The following IMMP2L variants were observed in gnomAD, a reference collection of about 807,000 sequenced individuals.
IMMP2L encodes the protein inner mitochondrial membrane peptidase subunit 2.
In IMMP2L, 18 loss-of-function variants were observed where a neutral mutation model predicts 19.3. The observed-to-expected ratio is 0.93, with a 90% CI of 0.64 to 1.38. The LOEUF is 1.38. IMMP2L is among the 40% of genes most tolerant of loss of function. The pLI, the probability that IMMP2L is intolerant of heterozygous loss-of-function variation, is 0.00. For missense variants in IMMP2L, 233 were observed against 218.2 expected, an observed-to-expected ratio of 1.07 and a Z score of -0.43; for synonymous variants, 76 against 73.0, an observed-to-expected ratio of 1.04 and a Z score of -0.21.
chr7:111,316,779 T>C (rs1382219487), intron 3 of IMMP2L, among the ~76,000 whole-genome samples: 3 of 150,944 alleles, frequency 2.0e-5, no homozygotes, highest in African/African-American at 4.9e-5. Flanking sequence ...GAATCTCACA[T>C]ATATTATCTC....
chr7:110,767,058 A>G (rs1798712633), intron 5 of IMMP2L, among the ~76,000 whole-genome samples: 1 of 152,202 alleles, frequency 6.6e-6, no homozygotes, highest in South Asian at 2.1e-4. Flanking sequence ...CTTCAGAGTC[A>G]TTACAATGCT....
chr7:111,015,742 T>G (rs1372889206), intron 3 of IMMP2L, among the ~76,000 whole-genome samples: 1 of 152,112 alleles, frequency 6.6e-6, no homozygotes, highest in Non-Finnish European at 1.5e-5. Context: ...GAAAATATTC[T>G]TGTATTAAAT....
chr7:111,463,724 T>A (rs1264456308), intron 3 of IMMP2L, among the ~76,000 whole-genome samples: 2 of 152,140 alleles, frequency 1.3e-5, no homozygotes, highest in Non-Finnish European at 1.5e-5. Context: ...GGCACTTCAC[T>A]ATTGTTCAAT....
intron 5 of IMMP2L, among the ~76,000 whole-genome samples, chr7:110,765,036 G>A (rs1798572439): frequency 6.6e-6 from 1 of 152,080 alleles, no homozygotes; most frequent in South Asian, 2.1e-4. Context: ...ATAAAATGAA[G>A]AAATACTGCT....
intron 3 of IMMP2L, among the ~76,000 whole-genome samples, chr7:111,211,136 A>G (rs1399040818): frequency 1.3e-5 from 2 of 152,222 alleles, no homozygotes; most frequent in Admixed American, 6.5e-5. Context: ...AAATACTTCA[A>G]GGAAATACTA....
At chr7:111,389,065 G>C (rs1468204359) in intron 3 of IMMP2L, among the ~76,000 whole-genome samples, 1 of 152,130 alleles carries the variant, frequency 6.6e-6, no homozygotes, top group Non-Finnish European at 1.5e-5. Context: ...CTTTGGTAGC[G>C]CCAGGGCTGG....
chr7:111,029,212 C>T (rs1265945686), intron 3 of IMMP2L, among the ~76,000 whole-genome samples: 1 of 152,088 alleles, frequency 6.6e-6, no homozygotes, highest in African/African-American at 2.4e-5. Context: ...CTAGGTACAA[C>T]ACAGAGTTTA....
chr7:111,284,124 C>T (rs1336453286), intron 3 of IMMP2L, among the ~76,000 whole-genome samples: 1 of 152,018 alleles, frequency 6.6e-6, no homozygotes, highest in Non-Finnish European at 1.5e-5. Context: ...TCTCATGGCT[C>T]TGCCACAGTT....
At chr7:111,077,719 T>C (rs1298381307) in intron 3 of IMMP2L, among the ~76,000 whole-genome samples, 1 of 152,234 alleles carries the variant, frequency 6.6e-6, no homozygotes, top group Non-Finnish European at 1.5e-5. Flanking sequence ...AATTGTCTAA[T>C]GGCTGCCCAT....
intron 3 of IMMP2L, among the ~76,000 whole-genome samples, chr7:110,993,962 T>G (rs989974155): frequency 2.0e-5 from 3 of 152,160 alleles, no homozygotes; most frequent in South Asian, 4.2e-4. Flanking sequence ...GTCTTGTCTC[T>G]GCCCTTTGTT....
chr7:110,816,666 T>A (rs943578126), intron 5 of IMMP2L, among the ~76,000 whole-genome samples: 3 of 150,504 alleles, frequency 2.0e-5, no homozygotes, highest in South Asian at 2.1e-4. Context: ...TGGGTGCATA[T>A]ACATTTAGGA....
At chr7:111,039,127 A>T (rs1397850891) in intron 3 of IMMP2L, among the ~76,000 whole-genome samples, 1 of 152,190 alleles carries the variant, frequency 6.6e-6, no homozygotes, top group African/African-American at 2.4e-5. Context: ...AGATAGCCTG[A>T]TCTCATATCT....
At chr7:110,927,666 G>T (rs1433935282) in intron 4 of IMMP2L, among the ~76,000 whole-genome samples, 1 of 151,914 alleles carries the variant, frequency 6.6e-6, no homozygotes, top group African/African-American at 2.4e-5. Context: ...CAAGGAAACA[G>T]GTTCTCTCCT....
At chr7:111,001,447 G>A (rs183546457) in intron 3 of IMMP2L, among the ~76,000 whole-genome samples, 40 of 152,076 alleles carry the variant, frequency 2.6e-4, no homozygotes, top group Non-Finnish European at 4.9e-4. Flanking sequence ...CACACATAAC[G>A]TTTGAACAGA....
chr7:111,202,608 T>G (rs192461960), intron 3 of IMMP2L, among the ~76,000 whole-genome samples: 46 of 152,278 alleles, frequency 3.0e-4, no homozygotes, highest in African/African-American at 1.1e-3. Flanking sequence ...TATGTAGAAT[T>G]GACTCTTCAC....
intron 5 of IMMP2L, among the ~76,000 whole-genome samples, chr7:110,713,930 C>A (rs1250283357): frequency 6.6e-6 from 1 of 152,072 alleles, no homozygotes; most frequent in African/African-American, 2.4e-5. Flanking sequence ...CTTTCTTTTG[C>A]CTGATGGCTC....
chr7:111,434,633 C>T (rs1287330990), intron 3 of IMMP2L, among the ~76,000 whole-genome samples: 1 of 151,648 alleles, frequency 6.6e-6, no homozygotes, highest in Admixed American at 6.6e-5. Flanking sequence ...GCAACCTCCA[C>T]CTCTTGGATT....
chr7:110,680,572 T>C (rs1027966294), intron 5 of IMMP2L, among the ~76,000 whole-genome samples: 2 of 152,148 alleles, frequency 1.3e-5, no homozygotes, highest in African/African-American at 4.8e-5. Flanking sequence ...AAGTTTTAAA[T>C]GTGCACATGG....
intron 3 of IMMP2L, chr7:111,122,822 C>A: frequency 6.2e-7 from 1 of 1,613,862 alleles, no homozygotes; most frequent in Non-Finnish European, 8.5e-7. Context: ...CTAGCTATCA[C>A]TACACTAGTA....
Sources: allele counts gnomAD v4.1 joint callset (sites outside exome capture counted in the v4.1 genomes callset), GRCh38; gene constraint gnomAD v4.1.1; transcripts MANE v1.5; gene names NCBI Gene and HGNC (gene_info 2026-07-23, HGNC 2026-07-21).